RAB11FIP3: variants seen among roughly 807,000 people sequenced by gnomAD.
RAB11FIP3 encodes rab11 family-interacting protein 3.
A neutral mutation model predicts 77.8 loss-of-function variants in RAB11FIP3; 17 were observed. The ratio of observed to expected loss-of-function variants is 0.22; its 90% CI spans 0.15 to 0.33. RAB11FIP3 has a LOEUF of 0.33. RAB11FIP3 is among the 10% of genes least tolerant of loss of function. The pLI is 1.00. For missense variants in RAB11FIP3, 1,005 were observed against 1,011.2 expected (o/e 0.99, Z 0.08); for synonymous variants, 437 against 448.2 (o/e 0.98, Z 0.31).
At chr16:443,407 C>T (rs558655808) in intron 1 of RAB11FIP3, among the ~76,000 whole-genome samples, 3 of 152,148 alleles carry the variant, frequency 2.0e-5, no homozygotes, top group Non-Finnish European at 4.4e-5. Flanking sequence ...CATCCAGCAC[C>T]GTGAATCTTT....
chr16:503,430 G>A (rs2031641070), intron 7 of RAB11FIP3, among the ~76,000 whole-genome samples: 1 of 152,158 alleles, frequency 6.6e-6, no homozygotes. Flanking sequence ...AGTCCACCAG[G>A]CCCATGGAGA....
At chr16:520,037 A>G in intron 11 of RAB11FIP3, 85 bp from the exon 12 acceptor site, 2 of 1,533,508 alleles carry the variant, frequency 1.3e-6, no homozygotes, top group Non-Finnish European at 1.8e-6. Context: ...GGCCAGATCA[A>G]CCCTGAGGTT....
At position 490,877 on chromosome 16, in the gene RAB11FIP3, C is replaced by T. The variant is rs150760870; in HGVS notation, c.1265+1877C>T. Reference sequence around the variant, plus strand: ...CTGCCCCTGCTTTCTTCTGGGCACCCGACCCAGAGGAGCAGGTGTGTGCAG... The same window carrying T: ...CTGCCCCTGCTTTCTTCTGGGCACCTGACCCAGAGGAGCAGGTGTGTGCAG... On this transcript the variant is annotated intron_variant, in intron 5 of 13. Coordinates refer to ENST00000262305, the MANE Select transcript of RAB11FIP3 (RefSeq NM_014700.4). Among the ~76,000 whole-genome samples, 263 of 152,320 alleles carry T rather than the reference C, an allele frequency of 1.7e-3. 2 individuals are homozygous for T. The highest frequency in any genetic ancestry group is 4.3e-3 in the Admixed American group (66 of 15,292).
intron 10 of RAB11FIP3, 56 bp downstream of exon 10, chr16:519,080 G>T (rs942735460): frequency 9.8e-5 from 153 of 1,562,504 alleles, no homozygotes; most frequent in Middle Eastern, 1.7e-4. Context: ...TGCCCTGCCT[G>T]TGGGGCAGCT....
At position 471,316 on chromosome 16, in the gene RAB11FIP3, G is replaced by T; in HGVS notation, c.830G>T (p.Gly277Val). 1.2e-6 allele frequency: 2 copies of T among 1,614,012 alleles called. No homozygotes were observed. Among genetic ancestry groups the T allele is most frequent in the Admixed American group, 1.7e-5 (1 of 60,012 alleles). The part of the protein sequence containing the change: ...RNGDPDGQCY[G>V]GVASAQDEEP... ...GCAGATCCTGATGGCCAGTGCTACG[G>T]TGGTGTCGCTTCTGCCCAAGATGAG... Residue 277 changes from glycine to valine, a missense_variant, in exon 3 of 14, where the codon GGT (glycine) becomes GTT (valine). By Grantham distance (109) the Gly-to-Val change is moderately radical (BLOSUM62 -3). This residue lies in a region of RAB11FIP3 where 466 missense variants were observed against 408.3 expected (regional missense o/e 1.14). Coordinates refer to ENST00000262305, the MANE Select transcript of RAB11FIP3 (RefSeq NM_014700.4). This position sits in a 1 kb window ranked among gnomAD's most constrained non-coding sequence, Gnocchi z 4.4.
rs757245776 is a variant in RAB11FIP3, at chr16:520,498, G to T, written c.2056G>T (p.Gly686Trp). 1 of 1,613,558 alleles carries T rather than the reference G, an allele frequency of 6.2e-7. No homozygotes were observed. The highest frequency in any genetic ancestry group is 1.1e-5 in the South Asian group (1 of 91,088). ...NLKEQNEELN[G>W]QIITLSIQGA... is the part of the protein sequence containing the mutation. ...GAAGGAGCAGAACGAGGAGCTGAAC[G>T]GGCAGATCATTACCCTCAGCATCCA... Residue 686 changes from glycine (G) to tryptophan (W), a missense_variant, in exon 13 of 14, where the codon GGG (glycine) becomes TGG (tryptophan). Around this residue, in one of 4 missense-constraint regions of RAB11FIP3, gnomAD observed 90 missense variants for 129.7 expected, o/e 0.69. Coordinates refer to ENST00000262305, the MANE Select transcript of RAB11FIP3 (RefSeq NM_014700.4).
At chr16:518,891 C>G in intron 9 of RAB11FIP3, 52 bp from the exon 10 acceptor site, 1 of 1,591,604 alleles carries the variant, frequency 6.3e-7, no homozygotes. Context: ...CACACTGGCC[C>G]TGTAGAGGCG....
At position 477,496 on chromosome 16, in the gene RAB11FIP3, C is replaced by T. The variant is rs1490344331; in HGVS notation, c.904-5029C>T. On this transcript the variant is annotated intron_variant, in intron 3 of 13. Coordinates refer to ENST00000262305, the MANE Select transcript of RAB11FIP3 (RefSeq NM_014700.4). ...TCGCATCCTGCCCCGTCATGCCTTC[C>T]CCACAGGCCCAGCCTCTGACAGACA... The T allele has an allele frequency of 1.4e-5, 5 of 365,872 alleles. No individual in the cohort carries two copies. The South Asian group carries it at 4.5e-4, about 33-fold the overall frequency. 22.7% of individuals were successfully genotyped at this position (365,872 alleles called of 1,614,324 possible).
chr16:454,458 TC>T (rs1192430258), intron 1 of RAB11FIP3, among the ~76,000 whole-genome samples: 2 of 152,054 alleles, frequency 1.3e-5, no homozygotes, highest in African/African-American at 4.8e-5. Context: ...TCACCTCTAG[TC>T]CCAGCTACTC....
rs1171317758 is a variant in RAB11FIP3 at position 521,769 on chromosome 16, G to A, written c.*930G>A. ...CCACACCCTCCCCACGCACTTCCCA[G>A]GCCAGAATCCAAACATCGGGAACCC... On this transcript the variant is annotated 3_prime_UTR_variant, in exon 14 of 14. Coordinates refer to ENST00000262305, the MANE Select transcript of RAB11FIP3 (RefSeq NM_014700.4). 6.6e-6 allele frequency: 1 copy of A among 152,268 alleles called. No individual in the cohort carries two copies. The highest frequency in any genetic ancestry group is 2.4e-5 in the African/African-American group (1 of 41,460). 9.4% of individuals were successfully genotyped at this position (152,268 alleles called of 1,614,324 possible). A position where few individuals can be genotyped will look rare whatever the true frequency, so the allele number is the denominator to read the frequency against.
Position 443,604 on chromosome 16 carries a change from C to T in RAB11FIP3, c.714+16884C>T, listed in dbSNP as rs188634414. ...TTGTTGAGAGGGAGTCTCGCTCTGTCGCCCAGGCTGGAGTGCAGTGGCGCG... is the reference window on the plus strand; with the variant it reads ...TTGTTGAGAGGGAGTCTCGCTCTGTTGCCCAGGCTGGAGTGCAGTGGCGCG... On this transcript the variant is annotated intron_variant, in intron 1 of 13. Coordinates refer to ENST00000262305, the MANE Select transcript of RAB11FIP3 (RefSeq NM_014700.4). Among the ~76,000 whole-genome samples the T allele has an allele frequency of 7.3e-3, 1,115 of 152,264 alleles. 9 individuals are homozygous for T. Among genetic ancestry groups the T allele is most frequent in the African/African-American group, 0.02 (811 of 41,554 alleles).
Position 507,198 on chromosome 16 carries a change from G to A in RAB11FIP3, c.1499+1571G>A, listed in dbSNP as rs1489893625. Among the ~76,000 whole-genome samples the A allele has an allele frequency of 2.0e-5, 3 of 148,438 alleles. No homozygotes were observed. Among genetic ancestry groups the A allele is most frequent in the African/African-American group, 7.5e-5 (3 of 39,842 alleles). On this transcript the variant is annotated intron_variant, in intron 8 of 13. Transcript: ENST00000262305. This position sits in a 1 kb window ranked among gnomAD's most constrained non-coding sequence, Gnocchi z 4.6. ...GCAATCTTGGCTCACCGCAACCTCC[G>A]CATCCCAGGTTCAAGCGATTCTTCT...
At chr16:481,213 G>A (rs1374690498) in intron 3 of RAB11FIP3, among the ~76,000 whole-genome samples, 1 of 151,972 alleles carries the variant, frequency 6.6e-6, no homozygotes, top group African/African-American at 2.4e-5. Flanking sequence ...GACCTTTTGG[G>A]CTCAAATGGT....
At chr16:495,050 G>GAGGTGGGAGGATCACATGATC (rs2030993906) in intron 5 of RAB11FIP3, among the ~76,000 whole-genome samples, 1 of 150,372 alleles carries the variant, frequency 6.7e-6, no homozygotes, top group Non-Finnish European at 1.5e-5. Context: ...CGAGGCTGCA[G>GAGGTGGGAGGATCACATGATC]CGAGCTGTGG....
At position 496,148 on chromosome 16, in the gene RAB11FIP3, C is replaced by T. The variant is rs112310940; in HGVS notation, c.1266-676C>T. 2.2e-3 allele frequency among the ~76,000 whole-genome samples: 342 copies of T among 152,272 alleles called. 1 individual carries two copies. The highest frequency in any genetic ancestry group is 4.5e-3 in the African/African-American group (189 of 41,556). ...GACGTGGCTTTGTGAGTTCCAGGAC[C>T]GTGATGGTTCCCAGGCCCCAGGGGT... On this transcript the variant is annotated intron_variant, in intron 5 of 13. Coordinates refer to ENST00000262305, the MANE Select transcript of RAB11FIP3 (RefSeq NM_014700.4).
Position 426,049 on chromosome 16 carries a change from C to G in RAB11FIP3, c.43C>G (p.Pro15Ala). 2 of 998,402 alleles carry G rather than the reference C, an allele frequency of 2.0e-6. No individual in the cohort carries two copies. Among genetic ancestry groups the G allele is most frequent in the Non-Finnish European group, 2.4e-6 (2 of 840,142 alleles). The allele number at this position is 998,402 out of a possible 1,614,324, so 61.8% of individuals were successfully genotyped here. A position where few individuals can be genotyped will look rare whatever the true frequency, so the allele number is the denominator to read the frequency against. ...GGCCTCGCCCCCGGGCTCGGAGCCG[C>G]CGGGGCCCGACCCGGAGCCGGGCGG... ...PPASPPGSEP[P>A]GPDPEPGGPD... is the part of the protein sequence containing the mutation. The change falls in exon 1 of 14, where the codon CCG (proline) becomes GCG (alanine). Residue 15 changes from proline to alanine, a missense_variant. Pro to Ala is a conservative substitution (Grantham distance 27, BLOSUM62 -1). Transcript: ENST00000262305. This position sits in a 1 kb window ranked among gnomAD's most constrained non-coding sequence, Gnocchi z 5.0.
At chr16:440,083 G>GCCC (rs35754560) in intron 1 of RAB11FIP3, among the ~76,000 whole-genome samples, 12 of 151,172 alleles carry the variant, frequency 7.9e-5, no homozygotes, top group African/African-American at 2.9e-4. Flanking sequence ...CTCATGATCC[G>GCCC]CCCCCCCCAT....
At chr16:429,979 G>A (rs1377520481) in intron 1 of RAB11FIP3, among the ~76,000 whole-genome samples, 1 of 152,122 alleles carries the variant, frequency 6.6e-6, no homozygotes, top group African/African-American at 2.4e-5. Flanking sequence ...GTCATGGTGT[G>A]TTTGGATCTA....
rs530256528 is a variant in RAB11FIP3, at chr16:509,752, C to A, written c.1500-908C>A. Among the ~76,000 whole-genome samples, 5 of 149,344 alleles carry A rather than the reference C, an allele frequency of 3.3e-5. No homozygotes were observed. In the East Asian group the frequency reaches 5.9e-4, roughly 18 times the overall value. On this transcript the variant is annotated intron_variant, in intron 8 of 13. Coordinates refer to ENST00000262305, the MANE Select transcript of RAB11FIP3 (RefSeq NM_014700.4). ...GGAGGGGACTGGGAGCAGAGTGGGC[C>A]CCCCCCCCACTTGTGGCCCCTCACA...
Sources: gnomAD v4.1 joint callset for allele counts (sites outside exome capture counted in the v4.1 genomes callset) on GRCh38, gnomAD v4.1.1 for gene constraint, gnomAD v4.1.1 regional missense constraint, Gnocchi (gnomAD v3.1) non-coding constraint, MANE v1.5 for transcripts, NCBI Gene and HGNC (gene_info 2026-07-23, HGNC 2026-07-21) for gene names.